Variants in RPAP3 observed in about 807,000 individuals in gnomAD.
The protein encoded by RPAP3 is RNA polymerase II associated protein 3, also known as RNA polymerase II-associated protein 3.
In RPAP3, 58 loss-of-function variants were observed where a neutral mutation model predicts 88.8. That is an observed-to-expected ratio of 0.65 (90% confidence interval 0.53 to 0.81). RPAP3 has a LOEUF of 0.81. Among genes scored for constraint, RPAP3 ranks in the 40% least tolerant of loss-of-function variants. RPAP3 has a pLI of 0.00. For synonymous variants in RPAP3, 255 were observed against 259.9 expected, an observed-to-expected ratio of 0.98 and a Z score of 0.18; for missense variants, 751 against 764.3, an observed-to-expected ratio of 0.98 and a Z score of 0.20.
chr12:47,698,758 C>T (rs185348117), intron 3 of RPAP3, among the ~76,000 whole-genome samples: 220 of 152,222 alleles, frequency 1.4e-3, no homozygotes, highest in Non-Finnish European at 1.6e-3. Context: ...GCAATCTGCC[C>T]GCCTCAGCCT....
chr12:47,676,301 T>G (rs549889834), intron 12 of RPAP3, among the ~76,000 whole-genome samples: 2 of 152,132 alleles, frequency 1.3e-5, no homozygotes, highest in African/African-American at 4.8e-5. Flanking sequence ...CAGGAAAAGA[T>G]CTAAAATTGA....
chr12:47,662,749 A>G lies in RPAP3; in HGVS notation c.*756T>C, dbSNP rs1938786222. 6.6e-6 allele frequency: 1 copy of G among 152,274 alleles called. No homozygotes were observed. Among genetic ancestry groups the G allele is most frequent in the Non-Finnish European group, 1.5e-5 (1 of 68,060 alleles). 9.4% of individuals were successfully genotyped at this position (152,274 alleles called of 1,614,324 possible). ...TACTATGCAGAGTACAGGGATGAGC[A>G]GAGTTCTAGCCCTACTTTCAAAAGT... On this transcript the variant is annotated 3_prime_UTR_variant, in exon 17 of 17. Coordinates refer to ENST00000005386, the MANE Select transcript of RPAP3 (RefSeq NM_024604.3).
intron 12 of RPAP3, 88 bp downstream of exon 12, chr12:47,679,405 A>G: frequency 2.5e-6 from 2 of 803,610 alleles, no homozygotes; most frequent in Non-Finnish European, 4.0e-6. Flanking sequence ...ATTAAAAAAA[A>G]AAAGTTTATT....
At chr12:47,688,188 ATAAAT>A (rs1453581883) in intron 7 of RPAP3, among the ~76,000 whole-genome samples, 187 bp from the exon 8 acceptor site, 3 of 152,370 alleles carry the variant, frequency 2.0e-5, no homozygotes, top group East Asian at 3.9e-4. Context: ...TAAGCATATA[ATAAAT>A]TTAATGTGCT....
At position 47,689,194 on chromosome 12, in the gene RPAP3, A is replaced by T; in HGVS notation, c.669T>A (p.Asp223Glu). 7.5e-7 allele frequency: 1 copy of T among 1,326,462 alleles called. No homozygotes were observed. Among genetic ancestry groups the T allele is most frequent in the Non-Finnish European group, 1.1e-6 (1 of 947,670 alleles). 82.2% of individuals were successfully genotyped at this position (1,326,462 alleles called of 1,614,324 possible). ...GTTCTAGTTCTAATACTCTTTCATA[A>T]TCTAAGTAAAAGAGAAGATAAAAAA... Reference protein sequence around the residue: ...ALQKLEEAKKDYERVLELEPN... With the variant: ...ALQKLEEAKKEYERVLELEPN... The change falls in exon 7 of 17, where the codon GAT becomes GAA. Residue 223 changes from aspartate (D) to glutamate (E), a missense_variant and splice_region_variant. Asp to Glu is a conservative substitution (Grantham distance 45). Transcript: ENST00000005386.
chr12:47,689,612 T>C (rs1282189667), intron 6 of RPAP3, among the ~76,000 whole-genome samples: 1 of 152,218 alleles, frequency 6.6e-6, no homozygotes, highest in Non-Finnish European at 1.5e-5. Flanking sequence ...GTGCTAGGAC[T>C]ACAGGCGTAA....
At chr12:47,699,095 C>T (rs796657513) in intron 3 of RPAP3, among the ~76,000 whole-genome samples, 4 of 152,304 alleles carry the variant, frequency 2.6e-5, no homozygotes, top group African/African-American at 9.6e-5. Flanking sequence ...CAGCAGAACA[C>T]TAAAGCAGCT....
At position 47,670,297 on chromosome 12, in the gene RPAP3, T is replaced by C; in HGVS notation, c.1336A>G (p.Thr446Ala). Residue 446 changes from threonine to alanine, a missense_variant, in exon 13 of 17, where the codon ACT becomes GCT. Coordinates refer to ENST00000005386, the MANE Select transcript of RPAP3 (RefSeq NM_024604.3). ...IIEETGNLIQTIDVPDSTTAA... is the reference protein window; with the variant it reads ...IIEETGNLIQAIDVPDSTTAA... ...GTAGTGCTATCTGGCACATCAATAG[T>C]CTGTATCAAATTACCAGTTTCTTCA... 6.2e-7 allele frequency: 1 copy of C among 1,612,672 alleles called. No homozygotes were observed. The highest frequency in any genetic ancestry group is 1.1e-5 in the South Asian group (1 of 91,044).
At chr12:47,672,942 A>T (rs948450982) in intron 12 of RPAP3, among the ~76,000 whole-genome samples, 1 of 152,228 alleles carries the variant, frequency 6.6e-6, no homozygotes, top group Non-Finnish European at 1.5e-5. Flanking sequence ...ATGGACAGTG[A>T]CGTCTAACAA....
chr12:47,694,214 G>C (rs773942384), intron 5 of RPAP3, among the ~76,000 whole-genome samples: 43 of 152,132 alleles, frequency 2.8e-4, no homozygotes, highest in Admixed American at 1.2e-3. Context: ...AGATAGTGTG[G>C]AATGGATGTA....
chr12:47,701,017 C>T (rs1939644315), intron 3 of RPAP3, among the ~76,000 whole-genome samples: 1 of 152,062 alleles, frequency 6.6e-6, no homozygotes. Flanking sequence ...TGCCATATAT[C>T]TGTATCTTAA....
Position 47,686,986 on chromosome 12 carries a change from T to C in RPAP3, c.865-79A>G, listed in dbSNP as rs1939339857. The C allele has an allele frequency of 8.6e-6, 7 of 810,100 alleles. No individual in the cohort carries two copies. The South Asian group carries it at 1.7e-4, about 20-fold the overall frequency. 50.2% of individuals were successfully genotyped at this position (810,100 alleles called of 1,614,324 possible). A position where few individuals can be genotyped will look rare whatever the true frequency, so the allele number is the denominator to read the frequency against. On this transcript the variant is annotated intron_variant, in intron 8 of 16. Transcript: ENST00000005386. ...AATGAATTCAAATCTTATGAAACAC[T>C]GCAAGGATATTCACCAACAGTATTT... is the stretch of plus-strand genomic sequence containing the variant.
intron 5 of RPAP3, among the ~76,000 whole-genome samples, chr12:47,695,639 C>T (rs375625505): frequency 1.8e-4 from 27 of 151,636 alleles, no homozygotes; most frequent in African/African-American, 6.5e-4. Context: ...GTAAATATTC[C>T]CCTAATTTTT....
chr12:47,664,245 C>G (rs892921866), intron 16 of RPAP3, among the ~76,000 whole-genome samples: 1 of 152,074 alleles, frequency 6.6e-6, no homozygotes, highest in Non-Finnish European at 1.5e-5. Flanking sequence ...AAAAAATTAG[C>G]CGCGAGTGAT....
chr12:47,664,281 T>G (rs1223943825), intron 16 of RPAP3, among the ~76,000 whole-genome samples: 1 of 152,078 alleles, frequency 6.6e-6, no homozygotes, highest in African/African-American at 2.4e-5. Context: ...TCCCAGCTAC[T>G]CAGGAGGCTG....
At chr12:47,667,887 C>T (rs756296696) in intron 14 of RPAP3, 36 bp from the exon 15 acceptor site, 1 of 1,263,348 alleles carries the variant, frequency 7.9e-7, no homozygotes, top group East Asian at 2.3e-5. Flanking sequence ...TACTTGATGG[C>T]AACACTTACA....
chr12:47,701,464 C>T lies in RPAP3; in HGVS notation c.294G>A (p.Val98=). 1 of 1,554,056 alleles carries T rather than the reference C, an allele frequency of 6.4e-7. No homozygotes were observed. The highest frequency in any genetic ancestry group is 8.7e-7 in the Non-Finnish European group (1 of 1,155,764). ...GAAGCAAATGACTAGATTAACTTAC[C>T]ACATCAAGTTTTGCCCATGCCTCAT... ...YDYEAWAKLD[V]DRILDELDKD... The change falls in exon 3 of 17, where the codon GTG becomes GTA. Residue 98 remains valine (V), a splice_region_variant and synonymous_variant. Transcript: ENST00000005386.
At chr12:47,671,081 T>C (rs1938987617) in intron 12 of RPAP3, among the ~76,000 whole-genome samples, 1 of 152,180 alleles carries the variant, frequency 6.6e-6, no homozygotes, top group African/African-American at 2.4e-5. Context: ...ATAAAATAAA[T>C]GGCTTTCATT....
rs748433627 is a variant in RPAP3, at chr12:47,679,714, T to C, written c.1175A>G (p.Lys392Arg). 4 of 1,604,666 alleles carry C rather than the reference T, an allele frequency of 2.5e-6. No homozygotes were observed. The highest frequency in any genetic ancestry group is 2.2e-5 in the East Asian group (1 of 44,656). Reference protein sequence around the residue: ...GNKQAVTELSKIKKELIEKGH... With the variant: ...GNKQAVTELSRIKKELIEKGH... The stretch of plus-strand genomic sequence containing the variant: ...AAAAGAATACATTACCTTTTTAATT[T>C]TGGAGAGTTCAGTTACTGCTTGCTT... Residue 392 changes from lysine (K) to arginine (R), a missense_variant, in exon 11 of 17, where the codon AAA becomes AGA. By Grantham distance (26) the Lys-to-Arg change is conservative. Coordinates refer to ENST00000005386, the MANE Select transcript of RPAP3 (RefSeq NM_024604.3).
Sources: allele counts gnomAD v4.1 joint callset (sites outside exome capture counted in the v4.1 genomes callset), GRCh38; gene constraint gnomAD v4.1.1; transcripts MANE v1.5; gene names NCBI Gene and HGNC (gene_info 2026-07-23, HGNC 2026-07-21).